FGFR1OP2: variants seen among roughly 807,000 people sequenced by gnomAD.
The protein encoded by FGFR1OP2 is fibroblast growth factor receptor 1 oncogene partner 2.
In FGFR1OP2, 17 loss-of-function variants were observed where a neutral mutation model predicts 35.2. The ratio of observed to expected loss-of-function variants is 0.48; its 90% CI spans 0.33 to 0.73. FGFR1OP2 has a LOEUF of 0.73. Ranked by LOEUF, FGFR1OP2 falls within the 30% of genes least tolerant of loss-of-function variation. The pLI, the probability that FGFR1OP2 is intolerant of heterozygous loss-of-function variation, is 0.02. For missense variants in FGFR1OP2, 251 were observed against 307.3 expected, an observed-to-expected ratio of 0.82 and a Z score of 1.37; for synonymous variants, 105 against 104.6, an observed-to-expected ratio of 1.00 and a Z score of -0.03.
In FGFR1OP2 at chr12:26,966,151, CTGAT is replaced by C. The variant is rs1308238321; in HGVS notation, c.*1422_*1425del. 7.2e-5 allele frequency: 11 copies of C among 151,936 alleles called. No individual in the cohort carries two copies. The highest frequency in any genetic ancestry group is 4.1e-4 in the South Asian group (2 of 4,824). 9.4% of individuals were successfully genotyped at this position (151,936 alleles called of 1,614,324 possible). ...TTTGGGGTGAATGGGGTGGATGAGACTGATTGAATAGAAAAGGGCTAATGGCCCA... is the reference window on the plus strand; with the variant it reads ...TTTGGGGTGAATGGGGTGGATGAGACTGAATAGAAAAGGGCTAATGGCCCA... On this transcript the variant is annotated 3_prime_UTR_variant, in exon 7 of 7. Coordinates refer to ENST00000229395, the MANE Select transcript of FGFR1OP2 (RefSeq NM_015633.3).
chr12:26,944,641 T>G (rs1938792893), intron 1 of FGFR1OP2, among the ~76,000 whole-genome samples: 1 of 152,208 alleles, frequency 6.6e-6, no homozygotes, highest in East Asian at 1.9e-4. Context: ...GATTTTTTAT[T>G]TATGTTAATG....
At chr12:26,963,241 G>A (rs1199479062) in intron 5 of FGFR1OP2, 101 bp from the exon 6 acceptor site, 18 of 621,350 alleles carry the variant, frequency 2.9e-5, no homozygotes, top group South Asian at 2.9e-4. Context: ...GACAATGTAA[G>A]AATATTCATG....
At chr12:26,960,786 G>T in intron 5 of FGFR1OP2, 158 bp downstream of exon 5, 5 of 1,196,506 alleles carry the variant, frequency 4.2e-6, no homozygotes, top group Non-Finnish European at 5.5e-6. Context: ...GTTCAGTGTA[G>T]AAACTTTAAA....
intron 4 of FGFR1OP2, 142 bp downstream of exon 4, chr12:26,957,885 C>T: frequency 1.7e-6 from 1 of 600,858 alleles, no homozygotes; most frequent in Non-Finnish European, 2.6e-6. Context: ...TTTTAATTGA[C>T]ATTTTCTCCT....
At chr12:26,951,360 C>T (rs1439462952) in intron 1 of FGFR1OP2, among the ~76,000 whole-genome samples, 1 of 152,038 alleles carries the variant, frequency 6.6e-6, no homozygotes. Flanking sequence ...CAGCCTGTTG[C>T]CCAGGCTGTA....
chr12:26,948,466 G>T (rs750377018), intron 1 of FGFR1OP2, among the ~76,000 whole-genome samples: 9 of 152,186 alleles, frequency 5.9e-5, no homozygotes, highest in Non-Finnish European at 1.2e-4. Context: ...TGAAAGTGTT[G>T]TTCTACTTTT....
intron 5 of FGFR1OP2, chr12:26,961,594 C>T (rs1365143521): frequency 1.3e-5 from 2 of 152,128 alleles, no homozygotes; most frequent in Non-Finnish European, 2.9e-5. Context: ...AAAAGTTAGC[C>T]AGGCGTGATA....
At chr12:26,953,428 T>C (rs1938969522) in intron 1 of FGFR1OP2, 1 of 152,176 alleles carries the variant, frequency 6.6e-6, no homozygotes. Flanking sequence ...GACTGTTTCA[T>C]GTTTTGTCTC....
chr12:26,966,386 T>C lies in FGFR1OP2; in HGVS notation c.*1653T>C, dbSNP rs1250868878. 2 of 152,176 alleles carry C rather than the reference T, an allele frequency of 1.3e-5. No individual in the cohort carries two copies. Among genetic ancestry groups the C allele is most frequent in the Admixed American group, 6.5e-5 (1 of 15,280 alleles). 9.4% of individuals were successfully genotyped at this position (152,176 alleles called of 1,614,324 possible). A position where few individuals can be genotyped will look rare whatever the true frequency, so the allele number is the denominator to read the frequency against. On this transcript the variant is annotated 3_prime_UTR_variant, in exon 7 of 7. Transcript: ENST00000229395. ...TTGAGATTAAGTCTGAGGCAGTTCA[T>C]TGAGGCAGCTCTACTATAAAAGCTT...
At chr12:26,941,494 A>G (rs552602480) in intron 1 of FGFR1OP2, among the ~76,000 whole-genome samples, 1 of 152,360 alleles carries the variant, frequency 6.6e-6, no homozygotes, top group South Asian at 2.1e-4. Context: ...GCTTTGAGCT[A>G]CCTGCTGCTT....
At chr12:26,951,989 CTTT>C (rs760772036) in intron 1 of FGFR1OP2, among the ~76,000 whole-genome samples, 10 of 150,176 alleles carry the variant, frequency 6.7e-5, no homozygotes, top group Non-Finnish European at 1.2e-4. Flanking sequence ...TCAAATTTGT[CTTT>C]TATTACTTTC....
At chr12:26,944,338 C>T (rs918419754) in intron 1 of FGFR1OP2, among the ~76,000 whole-genome samples, 1 of 152,028 alleles carries the variant, frequency 6.6e-6, no homozygotes, top group African/African-American at 2.4e-5. Flanking sequence ...TCCCTTGTTC[C>T]TAATTTTATT....
chr12:26,951,655 T>C (rs1938930892), intron 1 of FGFR1OP2, among the ~76,000 whole-genome samples: 1 of 152,172 alleles, frequency 6.6e-6, no homozygotes, highest in Admixed American at 6.5e-5. Context: ...GGGGTTTTGA[T>C]GTCGTGTTGT....
At chr12:26,954,375 T>G (rs1938986804) in intron 2 of FGFR1OP2, 82 bp downstream of exon 2, 2 of 1,452,726 alleles carry the variant, frequency 1.4e-6, no homozygotes, top group Non-Finnish European at 1.8e-6. Flanking sequence ...TAGTATCTAA[T>G]TTTTTTCAAC....
intron 2 of FGFR1OP2, among the ~76,000 whole-genome samples, chr12:26,955,307 GC>G (rs1939001578): frequency 6.6e-6 from 1 of 152,068 alleles, no homozygotes. Context: ...AAATCTTTTT[GC>G]ATTTCTTTTG....
At chr12:26,950,213 G>GTTGTTTTTTTTTTTTTTTTTTTTT (rs1938898866) in intron 1 of FGFR1OP2, among the ~76,000 whole-genome samples, 3 of 50,942 alleles carry the variant, frequency 5.9e-5, no homozygotes, top group African/African-American at 2.4e-4. Flanking sequence ...TGTATTCGTT[G>GTTGTTTTTTTTTTTTTTTTTTTTT]TTTTTTTTTT....
intron 2 of FGFR1OP2, among the ~76,000 whole-genome samples, chr12:26,955,128 A>G (rs961625543): frequency 1.3e-5 from 2 of 152,216 alleles, no homozygotes; most frequent in African/African-American, 4.8e-5. Flanking sequence ...AGCTAGACTC[A>G]GGCACTTCAG....
intron 1 of FGFR1OP2, among the ~76,000 whole-genome samples, chr12:26,946,998 C>T (rs1298057769): frequency 6.6e-6 from 1 of 151,790 alleles, no homozygotes; most frequent in Non-Finnish European, 1.5e-5. Context: ...TAGCCTGTTT[C>T]AGGGCATCAT....
At position 26,966,034 on chromosome 12, in the gene FGFR1OP2, TTTG is replaced by T. The variant is rs1229584552; in HGVS notation, c.*1304_*1306del. 1.3e-5 allele frequency: 2 copies of T among 152,126 alleles called. No homozygotes were observed. Among genetic ancestry groups the T allele is most frequent in the Non-Finnish European group, 2.9e-5 (2 of 67,982 alleles). 9.4% of individuals were successfully genotyped at this position (152,126 alleles called of 1,614,324 possible). Reference sequence around the variant, plus strand: ...GGAAAATTATACTTTGAGTATATAATTTGTTAAATATTACTTTATATGGTAATT... The same window carrying T: ...GGAAAATTATACTTTGAGTATATAATTTAAATATTACTTTATATGGTAATT... On this transcript the variant is annotated 3_prime_UTR_variant, in exon 7 of 7. Coordinates refer to ENST00000229395, the MANE Select transcript of FGFR1OP2 (RefSeq NM_015633.3).
Sources: allele counts gnomAD v4.1 joint callset (sites outside exome capture counted in the v4.1 genomes callset), GRCh38; gene constraint gnomAD v4.1.1; transcripts MANE v1.5; gene names NCBI Gene and HGNC (gene_info 2026-07-23, HGNC 2026-07-21).